Variants in SEPTIN14 observed in about 807,000 individuals in gnomAD.
SEPTIN14 encodes septin-14.
Under a neutral mutation model 53.6 loss-of-function variants are expected in SEPTIN14, and 40 were observed. That is an observed-to-expected ratio of 0.75 (90% CI 0.58 to 0.97). SEPTIN14 has a LOEUF of 0.97. Ranked by LOEUF, SEPTIN14 falls within the 50% of genes least tolerant of loss-of-function variation. SEPTIN14 has a pLI of 0.00. For missense variants in SEPTIN14, 471 were observed against 508.2 expected, an observed-to-expected ratio of 0.93 and a Z score of 0.70; for synonymous variants, 138 against 166.8, an observed-to-expected ratio of 0.83 and a Z score of 1.33.
At chr7:55,843,824 T>C (rs1366704418) in intron 4 of SEPTIN14, among the ~76,000 whole-genome samples, 1 of 151,142 alleles carries the variant, frequency 6.6e-6, no homozygotes, top group Non-Finnish European at 1.5e-5. Flanking sequence ...AGAGCAAGAC[T>C]CCATCTCAAA....
At chr7:55,803,323 G>A (rs1274631100) in intron 9 of SEPTIN14, among the ~76,000 whole-genome samples, 1 of 152,078 alleles carries the variant, frequency 6.6e-6, no homozygotes, top group Non-Finnish European at 1.5e-5. Flanking sequence ...TCAGAGAAAT[G>A]CCAATTTAAA....
chr7:55,843,411 CAAG>C (rs1190914912), intron 4 of SEPTIN14, among the ~76,000 whole-genome samples: 10 of 152,096 alleles, frequency 6.6e-5, no homozygotes, highest in African/African-American at 2.2e-4. Flanking sequence ...ACAACAACAA[CAAG>C]AAGAACAAAT....
chr7:55,842,096 C>T (rs535117385), intron 5 of SEPTIN14, among the ~76,000 whole-genome samples: 21 of 152,174 alleles, frequency 1.4e-4, no homozygotes, highest in African/African-American at 4.6e-4. Context: ...CTACAGTATT[C>T]CGTACAGTAC....
rs551494932 is a variant in SEPTIN14, at chr7:55,836,751, A to G, written c.559-2165T>C. 2.0e-5 allele frequency among the ~76,000 whole-genome samples: 3 copies of G among 152,252 alleles called. No individual in the cohort carries two copies. The East Asian group carries it at 5.8e-4, about 29-fold the overall frequency. On this transcript the variant is annotated intron_variant, in intron 5 of 9. Transcript: ENST00000388975. ...GAAACTCCGTCTCAACAACAACAACAACAACAAAAAGAGTGTATATTCCTG... is the reference window on the plus strand; with the variant it reads ...GAAACTCCGTCTCAACAACAACAACGACAACAAAAAGAGTGTATATTCCTG...
intron 5 of SEPTIN14, among the ~76,000 whole-genome samples, chr7:55,840,070 G>T (rs564882716): frequency 1.8e-4 from 27 of 147,860 alleles, no homozygotes; most frequent in African/African-American, 6.8e-4. Flanking sequence ...CCTTGAACCT[G>T]GGAGACGGAG....
intron 6 of SEPTIN14, among the ~76,000 whole-genome samples, chr7:55,826,405 A>C (rs926111551): frequency 6.6e-6 from 1 of 152,230 alleles, no homozygotes; most frequent in Non-Finnish European, 1.5e-5. Flanking sequence ...GATTTCTCAA[A>C]AGAATCTTGC....
At position 55,846,643 on chromosome 7, in the gene SEPTIN14, A is replaced by T; in HGVS notation, c.55-6T>A. The T allele has an allele frequency of 7.1e-7, 1 of 1,404,798 alleles. No homozygotes were observed. The highest frequency in any genetic ancestry group is 9.9e-7 in the Non-Finnish European group (1 of 1,007,856). 87.0% of individuals were successfully genotyped at this position (1,404,798 alleles called of 1,614,324 possible). A position where few individuals can be genotyped will look rare whatever the true frequency, so the allele number is the denominator to read the frequency against. On this transcript the variant is annotated splice_region_variant and splice_polypyrimidine_tract_variant and intron_variant, in intron 2 of 9. Transcript: ENST00000388975. ...CGAATATTATTTTCTTTTTGCTTAA[A>T]TAAAACAAAAATTTAGAGTTTTGTG... is the stretch of plus-strand genomic sequence containing the variant.
At chr7:55,819,268 G>A in intron 6 of SEPTIN14, 45 bp from the exon 7 acceptor site, 2 of 1,280,312 alleles carry the variant, frequency 1.6e-6, no homozygotes, top group Non-Finnish European at 2.2e-6. Context: ...AGCACCATTA[G>A]AGCTTACTCT....
At chr7:55,804,107 A>G (rs7799070) in intron 9 of SEPTIN14, among the ~76,000 whole-genome samples, 134,166 of 135,964 alleles carry the variant, frequency 0.99, 66,199 homozygotes, top group Middle Eastern at 1. Context: ...CTGCACTCCA[A>G]CCTGGGTAAC....
chr7:55,812,953 C>G (rs62456618), intron 7 of SEPTIN14, among the ~76,000 whole-genome samples: 1 of 148,772 alleles, frequency 6.7e-6, no homozygotes, highest in African/African-American at 2.5e-5. Context: ...ACGACAGGAG[C>G]CTTTTTTTTT....
chr7:55,846,064 A>AATATATATATATATAT (rs1562718590), intron 3 of SEPTIN14, among the ~76,000 whole-genome samples: 8 of 7,378 alleles, frequency 1.1e-3, no homozygotes, highest in Non-Finnish European at 2.5e-3. Context: ...AAAAAAAAAA[A>AATATATATATATATAT]GTATATATAT....
Position 55,830,341 on chromosome 7 carries a change from ATATATATATTTTT to A in SEPTIN14, c.720+4071_720+4083del, listed in dbSNP as rs1389570439. On this transcript the variant is annotated intron_variant, in intron 6 of 9. Transcript: ENST00000388975. ...CAACTGTATATATATATATATATATATATATATATTTTTTTTTTTTTTTGAGACGGAGTCTCGC... is the reference window on the plus strand; with the variant it reads ...CAACTGTATATATATATATATATATATTTTTTTTTTGAGACGGAGTCTCGC... Among the ~76,000 whole-genome samples the A allele has an allele frequency of 1.2e-3, 38 of 32,278 alleles. 2 individuals carry two copies. The highest frequency in any genetic ancestry group is 7.9e-3 in the African/African-American group (36 of 4,562). 21.2% of individuals were successfully genotyped at this position (32,278 alleles called of 152,430 possible). A position where few individuals can be genotyped will look rare whatever the true frequency, so the allele number is the denominator to read the frequency against.
intron 5 of SEPTIN14, among the ~76,000 whole-genome samples, chr7:55,841,250 T>C (rs1252302948): frequency 6.6e-6 from 1 of 152,160 alleles, no homozygotes; most frequent in African/African-American, 2.4e-5. Flanking sequence ...TCAGGGGATA[T>C]ATGTGCAGGT....
chr7:55,832,957 T>A (rs1789135983), intron 6 of SEPTIN14, among the ~76,000 whole-genome samples: 1 of 152,162 alleles, frequency 6.6e-6, no homozygotes, highest in East Asian at 1.9e-4. Flanking sequence ...TATGCACTTA[T>A]ACCCTCTGAA....
At chr7:55,847,817 A>G (rs1211788225) in intron 2 of SEPTIN14, among the ~76,000 whole-genome samples, 1 of 151,774 alleles carries the variant, frequency 6.6e-6, no homozygotes, top group East Asian at 1.9e-4. Flanking sequence ...ATTCTAGAAA[A>G]TTAGAAATCC....
chr7:55,830,337 A>T (rs1562713331), intron 6 of SEPTIN14, among the ~76,000 whole-genome samples: 31 of 35,322 alleles, frequency 8.8e-4, no homozygotes, highest in African/African-American at 4.4e-3. Flanking sequence ...ATATATATAT[A>T]TATATATATA....
intron 7 of SEPTIN14, among the ~76,000 whole-genome samples, chr7:55,815,945 C>T (rs192813517): frequency 2.6e-4 from 40 of 152,276 alleles, no homozygotes; most frequent in African/African-American, 9.4e-4. Context: ...TTGGAAGCAA[C>T]CTAAGTATCC....
At chr7:55,856,532 C>T (rs1302900364) in intron 2 of SEPTIN14, among the ~76,000 whole-genome samples, 1 of 151,938 alleles carries the variant, frequency 6.6e-6, no homozygotes, top group Non-Finnish European at 1.5e-5. Context: ...GCTGAGATCA[C>T]AGGTGCCCAC....
chr7:55,822,181 A>G (rs1788907094), intron 6 of SEPTIN14, among the ~76,000 whole-genome samples: 1 of 152,198 alleles, frequency 6.6e-6, no homozygotes, highest in Non-Finnish European at 1.5e-5. Context: ...CAGCCAAACC[A>G]TATAACCACC....
Sources: allele counts gnomAD v4.1 joint callset (sites outside exome capture counted in the v4.1 genomes callset), GRCh38; gene constraint gnomAD v4.1.1; transcripts MANE v1.5; gene names NCBI Gene and HGNC (gene_info 2026-07-23, HGNC 2026-07-21).